NELL2: variants seen among roughly 807,000 people sequenced by gnomAD.
NELL2 encodes the protein protein kinase C-binding protein NELL2.
In NELL2, 41 loss-of-function variants were observed where a neutral mutation model predicts 109.6. That is an observed-to-expected ratio of 0.37 (90% CI 0.29 to 0.49). NELL2 has a LOEUF of 0.49. NELL2 is among the 20% of genes least tolerant of loss of function. NELL2 has a pLI of 0.98. For synonymous variants in NELL2, 355 were observed against 344.7 expected, an observed-to-expected ratio of 1.03 and a Z score of -0.33; for missense variants, 900 against 1,008.3, an observed-to-expected ratio of 0.89 and a Z score of 1.45.
At chr12:44,774,998 TCAC>T in intron 8 of NELL2, 149 bp from the exon 9 acceptor site, 1 of 610,478 alleles carries the variant, frequency 1.6e-6, no homozygotes, top group Non-Finnish European at 2.8e-6. Flanking sequence ...GTGCTGACAA[TCAC>T]CACAAGGAGG....
upstream of NELL2, among the ~76,000 whole-genome samples, chr12:44,916,190 C>T (rs571305638): frequency 2.4e-4 from 36 of 152,190 alleles, no homozygotes; most frequent in African/African-American, 8.2e-4. Context: ...CCAATGTTAG[C>T]CACATGAAAG....
At chr12:44,909,270 T>C (rs1290884781) in intron 1 of NELL2, among the ~76,000 whole-genome samples, 4 of 151,822 alleles carry the variant, frequency 2.6e-5, no homozygotes, top group Admixed American at 2.6e-4. Context: ...ATCAGTAACA[T>C]TCCTATATAC....
chr12:44,510,012 AG>A (rs1420006179), intron 19 of NELL2, among the ~76,000 whole-genome samples: 3 of 152,162 alleles, frequency 2.0e-5, no homozygotes, highest in Non-Finnish European at 2.9e-5. Context: ...ATAAATAGGC[AG>A]GGAAGGGCCA....
chr12:44,892,434 T>C (rs1255958423), intron 1 of NELL2, among the ~76,000 whole-genome samples: 1 of 152,138 alleles, frequency 6.6e-6, no homozygotes, highest in East Asian at 1.9e-4. Context: ...TTTTCATGGA[T>C]CATTTCCTTT....
At chr12:44,645,537 G>A (rs982412282) in intron 13 of NELL2, among the ~76,000 whole-genome samples, 1 of 152,128 alleles carries the variant, frequency 6.6e-6, no homozygotes, top group East Asian at 1.9e-4. Flanking sequence ...GGTGGTGAAC[G>A]AGGCAAAAGT....
chr12:44,663,581 G>A (rs1592290799), intron 13 of NELL2, among the ~76,000 whole-genome samples: 1 of 152,290 alleles, frequency 6.6e-6, no homozygotes, highest in East Asian at 1.9e-4. Context: ...CAAAGGAATA[G>A]TTCTCAATTA....
In NELL2 at chr12:44,786,864, C is replaced by T. The variant is rs554430324; in HGVS notation, c.336-6842G>A. On this transcript the variant is annotated intron_variant, in intron 3 of 19. Transcript: ENST00000429094. ...ACACAGAGAGGAGAACATCACGTAC[C>T]GGGGCCTGTCATGGGGTGGGGGCAA... Among the ~76,000 whole-genome samples, 91 of 151,894 alleles carry T rather than the reference C, an allele frequency of 6.0e-4. 1 individual carries two copies. The highest frequency in any genetic ancestry group is 2.0e-3 in the African/African-American group (82 of 41,418).
At chr12:44,913,454 T>G (rs1443387414) in intron 1 of NELL2, among the ~76,000 whole-genome samples, 5 of 152,136 alleles carry the variant, frequency 3.3e-5, no homozygotes, top group African/African-American at 1.2e-4. Flanking sequence ...AAGAAAAAAG[T>G]TATCTAAAAA....
chr12:44,595,099 A>C (rs924791603), intron 15 of NELL2, among the ~76,000 whole-genome samples: 3 of 152,224 alleles, frequency 2.0e-5, no homozygotes, highest in African/African-American at 4.8e-5. Context: ...TCATGCTTAC[A>C]CAATCTGTTA....
At chr12:44,890,285 A>G (rs1945518982) in intron 1 of NELL2, among the ~76,000 whole-genome samples, 1 of 152,180 alleles carries the variant, frequency 6.6e-6, no homozygotes, top group African/African-American at 2.4e-5. Context: ...CTTTCCCTAT[A>G]CAGGCTGACT....
intron 13 of NELL2, among the ~76,000 whole-genome samples, chr12:44,636,196 G>A (rs1173420772): frequency 6.6e-6 from 1 of 151,944 alleles, no homozygotes; most frequent in Non-Finnish European, 1.5e-5. Flanking sequence ...GAGATGATGG[G>A]GTGTTCTACA....
Position 44,706,714 on chromosome 12 carries a change from AAT to A in NELL2, c.1190-2862_1190-2861del, listed in dbSNP as rs1937902167. Among the ~76,000 whole-genome samples, 3 of 152,180 alleles carry A rather than the reference AAT, an allele frequency of 2.0e-5. No homozygotes were observed. In the South Asian group the frequency reaches 6.2e-4, roughly 32 times the overall value. On this transcript the variant is annotated intron_variant, in intron 11 of 19. Transcript: ENST00000429094. ...TTAGAGCACTACTAAGCTGAAATTAAATATGTTGAGATCCATAAAAGAAAATT... is the reference window on the plus strand; with the variant it reads ...TTAGAGCACTACTAAGCTGAAATTAAATGTTGAGATCCATAAAAGAAAATT...
chr12:44,559,641 T>C (rs188853013), intron 15 of NELL2, among the ~76,000 whole-genome samples: 22 of 152,314 alleles, frequency 1.4e-4, no homozygotes, highest in Admixed American at 1.2e-3. Flanking sequence ...ATCCTAAATA[T>C]ATATGCACCC....
At chr12:44,533,891 CCG>C (rs1942188546) in intron 15 of NELL2, among the ~76,000 whole-genome samples, 2 of 26,766 alleles carry the variant, frequency 7.5e-5, no homozygotes, top group South Asian at 1.7e-3. Flanking sequence ...ATCTTGATAG[CCG>C]TATGCCATAG....
chr12:44,618,759 G>C (rs1193102192), intron 13 of NELL2, among the ~76,000 whole-genome samples: 1 of 152,136 alleles, frequency 6.6e-6, no homozygotes. Context: ...AAGTTGTTTA[G>C]TGCCATAACA....
chr12:44,685,606 C>G (rs1592332270), intron 12 of NELL2, among the ~76,000 whole-genome samples: 1 of 151,798 alleles, frequency 6.6e-6, no homozygotes, highest in Non-Finnish European at 1.5e-5. Flanking sequence ...TTTATGGCAG[C>G]CCTGGTGGTG....
At chr12:44,814,789 T>C (rs554251326) in intron 3 of NELL2, among the ~76,000 whole-genome samples, 1 of 152,356 alleles carries the variant, frequency 6.6e-6, no homozygotes, top group African/African-American at 2.4e-5. Context: ...CTATATTTTG[T>C]TCTCCACATA....
rs778300485 is a variant in NELL2 at position 44,779,716 on chromosome 12, G to C, written c.553C>G (p.Leu185Val). 2 of 1,613,844 alleles carry C rather than the reference G, an allele frequency of 1.2e-6. No individual in the cohort carries two copies. The highest frequency in any genetic ancestry group is 1.7e-5 in the Admixed American group (1 of 59,982). The change falls in exon 5 of 20, where the codon CTA (leucine) becomes GTA (valine). Residue 185 changes from leucine (L) to valine (V), a missense_variant. Coordinates refer to ENST00000429094, the MANE Select transcript of NELL2 (RefSeq NM_001145108.2). ...TGTCCTAGCCAAAATGTTGTGCCTA[G>C]AGGCAAGTCTGTGGAGGGCTTTTCT... ...VVEKPSTDLP[L>V]GTTFWLGQRN... is the part of the protein sequence containing the mutation.
At chr12:44,673,202 A>G (rs1948201832) in intron 12 of NELL2, among the ~76,000 whole-genome samples, 1 of 152,196 alleles carries the variant, frequency 6.6e-6, no homozygotes. Flanking sequence ...TGAAATTGCA[A>G]AGTTACATAA....
Sources: allele counts gnomAD v4.1 joint callset (sites outside exome capture counted in the v4.1 genomes callset), GRCh38; gene constraint gnomAD v4.1.1; transcripts MANE v1.5; gene names NCBI Gene and HGNC (gene_info 2026-07-23, HGNC 2026-07-21).